Variants in VAV2 observed in about 807,000 individuals in gnomAD.
VAV2 encodes vav guanine nucleotide exchange factor 2, also known as guanine nucleotide exchange factor VAV2.
In VAV2, 67 loss-of-function variants were observed where a neutral mutation model predicts 132.5. The observed-to-expected ratio is 0.51, with a 90% CI of 0.42 to 0.62. The LOEUF (loss-of-function observed/expected upper bound fraction) is 0.62, where lower values mean the gene tolerates loss of function less well. Among genes scored for constraint, VAV2 ranks in the 20% least tolerant of loss-of-function variants. VAV2 has a pLI of 0.00. For missense variants in VAV2, 938 were observed against 1,153.6 expected (o/e 0.81, Z 2.71); for synonymous variants, 492 against 443.5 (o/e 1.11, Z -1.37).
intron 1 of VAV2, among the ~76,000 whole-genome samples, chr9:133,983,638 G>C (rs1428139682): frequency 6.6e-6 from 1 of 151,460 alleles, no homozygotes; most frequent in East Asian, 1.9e-4. Flanking sequence ...ACGCTCGGCA[G>C]AGAACTCTCT....
intron 2 of VAV2, among the ~76,000 whole-genome samples, chr9:133,893,626 T>C (rs573230338): frequency 3.3e-5 from 5 of 152,228 alleles, no homozygotes; most frequent in East Asian, 1.9e-4. Context: ...AAGTCAACGG[T>C]GCCTGCAGAA....
At chr9:133,797,569 T>C (rs935752521) in intron 10 of VAV2, 141 bp downstream of exon 10, 1 of 753,444 alleles carries the variant, frequency 1.3e-6, no homozygotes, top group Non-Finnish European at 2.1e-6. Flanking sequence ...AAAAGAAAAA[T>C]CTACAAAAAA....
intron 2 of VAV2, among the ~76,000 whole-genome samples, chr9:133,866,266 T>C (rs79350456): frequency 2.0e-5 from 3 of 152,234 alleles, no homozygotes; most frequent in Admixed American, 2.0e-4. Context: ...CTAGTAATCA[T>C]GTTTTAGTTT....
At chr9:133,891,880 A>C (rs2131979124) in intron 2 of VAV2, among the ~76,000 whole-genome samples, 1 of 93,374 alleles carries the variant, frequency 1.1e-5, no homozygotes, top group Non-Finnish European at 2.2e-5. Context: ...AGGCATGGGG[A>C]TGGAGTTGGG....
chr9:133,957,097 A>G (rs2519822), intron 1 of VAV2, among the ~76,000 whole-genome samples: 100,112 of 151,922 alleles, frequency 0.66, 33,135 homozygotes, highest in East Asian at 0.8. Flanking sequence ...ACTCTGTGCA[A>G]GCCTACCCTC....
chr9:133,788,242 C>CCCCCCA lies in VAV2; in HGVS notation c.1407+111_1407+112insTGGGGG. On this transcript the variant is annotated intron_variant, in intron 15 of 29. Transcript: ENST00000371850. The surrounding 1 kb of genome is among the most constrained non-coding windows in gnomAD (Gnocchi z 5.3). ...GAGACGCCCACCCCAACCCACCCGG[C>CCCCCCA]CAGCATCAGCGGCTGACTTCGAGTC... The CCCCCCA allele has an allele frequency of 1.2e-5, 14 of 1,165,330 alleles. No homozygotes were observed. Among genetic ancestry groups the CCCCCCA allele is most frequent in the African/African-American group, 1.5e-5 (1 of 65,002 alleles). 72.2% of individuals were successfully genotyped at this position (1,165,330 alleles called of 1,614,324 possible).
chr9:133,862,189 AC>A (rs1486519101), intron 2 of VAV2, among the ~76,000 whole-genome samples: 1 of 152,230 alleles, frequency 6.6e-6, no homozygotes, highest in African/African-American at 2.4e-5. Flanking sequence ...GATAGGCAGG[AC>A]CCACCTGTCT....
At chr9:133,865,916 C>T (rs1194086929) in intron 2 of VAV2, among the ~76,000 whole-genome samples, 1 of 152,262 alleles carries the variant, frequency 6.6e-6, no homozygotes, top group Non-Finnish European at 1.5e-5. Flanking sequence ...TCAGGCCCCA[C>T]TCCATGCCTG....
In VAV2 at chr9:133,928,380, G is replaced by A. The variant is rs535154699; in HGVS notation, c.321+10723C>T. Among the ~76,000 whole-genome samples, 19 of 152,288 alleles carry A rather than the reference G, an allele frequency of 1.2e-4. No homozygotes were observed. Among genetic ancestry groups the A allele is most frequent in the Admixed American group, 5.9e-4 (9 of 15,298 alleles). On this transcript the variant is annotated intron_variant, in intron 2 of 29. Coordinates refer to ENST00000371850, the MANE Select transcript of VAV2 (RefSeq NM_001134398.2). This position sits in a 1 kb window ranked among gnomAD's most constrained non-coding sequence, Gnocchi z 5.4. The stretch of plus-strand genomic sequence containing the variant: ...GGCCTTTGCCAACAGCCCCTGCGCC[G>A]GGCTCTGCCGGGAGCCTGAGGCAGC...
At chr9:133,964,987 GA>G (rs1245099162) in intron 1 of VAV2, among the ~76,000 whole-genome samples, 1 of 152,080 alleles carries the variant, frequency 6.6e-6, no homozygotes, top group Non-Finnish European at 1.5e-5. Flanking sequence ...TTAAACACAG[GA>G]AAGAAATAGA....
intron 3 of VAV2, among the ~76,000 whole-genome samples, chr9:133,837,242 T>C (rs1278351271): frequency 1.3e-5 from 2 of 152,226 alleles, no homozygotes; most frequent in Non-Finnish European, 2.9e-5. Flanking sequence ...TTAGTATTTC[T>C]AGTATCATTC....
chr9:133,811,494 C>A (rs1248062159), intron 5 of VAV2, among the ~76,000 whole-genome samples: 1 of 152,222 alleles, frequency 6.6e-6, no homozygotes, highest in Non-Finnish European at 1.5e-5. Flanking sequence ...GGGCCTGTGA[C>A]CTGCCCTACC....
intron 2 of VAV2, among the ~76,000 whole-genome samples, chr9:133,920,319 A>T (rs772079529): frequency 1.3e-5 from 2 of 152,212 alleles, no homozygotes; most frequent in Non-Finnish European, 2.9e-5. Context: ...CCCACTGCAC[A>T]GCAGTGCAAG....
chr9:133,976,316 G>A (rs910263120), intron 1 of VAV2, among the ~76,000 whole-genome samples: 10 of 152,174 alleles, frequency 6.6e-5, no homozygotes, highest in Middle Eastern at 3.2e-3. Flanking sequence ...TGGAGGAGGC[G>A]ACAGTGAGAT....
At chr9:133,874,220 A>G (rs1418040936) in intron 2 of VAV2, among the ~76,000 whole-genome samples, 1 of 152,212 alleles carries the variant, frequency 6.6e-6, no homozygotes, top group Non-Finnish European at 1.5e-5. Flanking sequence ...TGCAGCCTGC[A>G]AGGCCAGTAA....
At position 133,991,239 on chromosome 9, in the gene VAV2, G is replaced by T. The variant is rs969923219; in HGVS notation, c.204+836C>A. ...CCCGGTAAGGATTCCGCGACCCCCGGAGAACAGGACGGAAGCCTCGATTCT... is the reference window on the plus strand; with the variant it reads ...CCCGGTAAGGATTCCGCGACCCCCGTAGAACAGGACGGAAGCCTCGATTCT... On this transcript the variant is annotated intron_variant, in intron 1 of 29. Transcript: ENST00000371850. This position sits in a 1 kb window ranked among gnomAD's most constrained non-coding sequence, Gnocchi z 4.8. Among the ~76,000 whole-genome samples, 1 of 152,176 alleles carries T rather than the reference G, an allele frequency of 6.6e-6. No homozygotes were observed. Among genetic ancestry groups the T allele is most frequent in the Non-Finnish European group, 1.5e-5 (1 of 68,026 alleles).
chr9:133,764,481 A>G (rs886838788), intron 29 of VAV2, among the ~76,000 whole-genome samples: 5 of 152,234 alleles, frequency 3.3e-5, no homozygotes, highest in African/African-American at 1.2e-4. Flanking sequence ...ATCAACCCAC[A>G]GGTATTGAGG....
At position 133,763,695 on chromosome 9, in the gene VAV2, C is replaced by A; in HGVS notation, c.*367G>T. On this transcript the variant is annotated 3_prime_UTR_variant, in exon 30 of 30. Transcript: ENST00000371850. The surrounding 1 kb of genome is among the most constrained non-coding windows in gnomAD (Gnocchi z 6.8). ...TCCCTAGCCCTTCCTGGGACAGCATCTGCTGTTCAAACCTAGGCTCCTGAA... is the reference window on the plus strand; with the variant it reads ...TCCCTAGCCCTTCCTGGGACAGCATATGCTGTTCAAACCTAGGCTCCTGAA... The A allele has an allele frequency of 3.6e-6, 1 of 280,590 alleles. No homozygotes were observed. Among genetic ancestry groups the A allele is most frequent in the South Asian group, 4.4e-5 (1 of 22,852 alleles). The allele number at this position is 280,590 out of a possible 1,614,324, so 17.4% of individuals were successfully genotyped here. A position where few individuals can be genotyped will look rare whatever the true frequency, so the allele number is the denominator to read the frequency against.
intron 3 of VAV2, among the ~76,000 whole-genome samples, chr9:133,853,557 C>T (rs941263232): frequency 6.6e-6 from 1 of 152,074 alleles, no homozygotes; most frequent in Non-Finnish European, 1.5e-5. Context: ...AAGGCTAGAG[C>T]GGGGCAGGGA....
Sources: gnomAD v4.1 joint callset for allele counts (sites outside exome capture counted in the v4.1 genomes callset) on GRCh38, gnomAD v4.1.1 for gene constraint, Gnocchi (gnomAD v3.1) non-coding constraint, MANE v1.5 for transcripts, NCBI Gene and HGNC (gene_info 2026-07-23, HGNC 2026-07-21) for gene names.